Variants in SDK1 observed in about 807,000 individuals in gnomAD.
The protein encoded by SDK1 is protein sidekick-1.
In SDK1, 157 loss-of-function variants were observed where a neutral mutation model predicts 245.5. The ratio of observed to expected loss-of-function variants is 0.64; its 90% CI spans 0.56 to 0.73. The LOEUF is 0.73. Ranked by LOEUF, SDK1 falls within the 30% of genes least tolerant of loss-of-function variation. SDK1 has a pLI of 0.00. For synonymous variants in SDK1, 1,647 were observed against 1,278.5 expected (o/e 1.29, Z -6.15); for missense variants, 3,583 against 3,002.3 (o/e 1.19, Z -4.52).
intron 38 of SDK1, among the ~76,000 whole-genome samples, chr7:4,215,317 C>T (rs1489895684): frequency 6.6e-6 from 1 of 152,238 alleles, no homozygotes; most frequent in African/African-American, 2.4e-5. Flanking sequence ...GGGCCTATCT[C>T]TCCCTTCTCC....
chr7:3,531,240 C>A (rs1475594574), intron 1 of SDK1, among the ~76,000 whole-genome samples: 1 of 152,128 alleles, frequency 6.6e-6, no homozygotes, highest in African/African-American at 2.4e-5. Context: ...TCACATCGAG[C>A]ATATTTGGGG....
rs941344896 is a variant in SDK1, at chr7:3,344,974, A to G, written c.298+43090A>G. On this transcript the variant is annotated intron_variant, in intron 1 of 44. Coordinates refer to ENST00000404826, the MANE Select transcript of SDK1 (RefSeq NM_152744.4). ...CACACAGGGTAGTGCTTTGGGGACAACTTATGTAAAAATCTGAATAGTACC... is the reference window on the plus strand; with the variant it reads ...CACACAGGGTAGTGCTTTGGGGACAGCTTATGTAAAAATCTGAATAGTACC... 1.9e-4 allele frequency among the ~76,000 whole-genome samples: 29 copies of G among 152,234 alleles called. 1 individual carries two copies. The highest frequency in any genetic ancestry group is 4.4e-5 in the Non-Finnish European group (3 of 68,038).
intron 1 of SDK1, among the ~76,000 whole-genome samples, chr7:3,311,936 T>C (rs549663711): frequency 3.1e-4 from 47 of 152,012 alleles, no homozygotes; most frequent in African/African-American, 1.1e-3. Flanking sequence ...CATGGAGGAG[T>C]AGGAGGCATG....
chr7:4,139,642 TG>T (rs1779405674), intron 28 of SDK1, among the ~76,000 whole-genome samples: 3 of 71,996 alleles, frequency 4.2e-5, no homozygotes, highest in South Asian at 4.6e-4. Flanking sequence ...TATATATGTG[TG>T]TGTATATGTG....
At chr7:3,717,118 G>A (rs552806135) in intron 4 of SDK1, among the ~76,000 whole-genome samples, 3 of 152,264 alleles carry the variant, frequency 2.0e-5, no homozygotes, top group Non-Finnish European at 2.9e-5. Flanking sequence ...AGTGGAATGA[G>A]GATACAAGTA....
At chr7:4,108,962 C>G (rs1016224437) in intron 22 of SDK1, among the ~76,000 whole-genome samples, 27 of 152,186 alleles carry the variant, frequency 1.8e-4, no homozygotes, top group Non-Finnish European at 2.9e-4. Context: ...AGCTTTCCAT[C>G]AGTCATGTTT....
At chr7:3,724,397 A>T (rs1778947408) in intron 4 of SDK1, among the ~76,000 whole-genome samples, 2 of 152,180 alleles carry the variant, frequency 1.3e-5, no homozygotes, top group Non-Finnish European at 1.5e-5. Context: ...ACATAGTGAG[A>T]CCCTGTCTGT....
chr7:3,378,656 G>T (rs1410901123), intron 1 of SDK1, among the ~76,000 whole-genome samples: 1 of 152,004 alleles, frequency 6.6e-6, no homozygotes, highest in East Asian at 1.9e-4. Flanking sequence ...TCAAAGGCTT[G>T]GTGTTTCTTG....
intron 4 of SDK1, among the ~76,000 whole-genome samples, chr7:3,764,322 C>T (rs746407592): frequency 2.6e-5 from 4 of 152,062 alleles, no homozygotes; most frequent in African/African-American, 9.7e-5. Context: ...GGACAAAATA[C>T]CCCCCTTTTT....
At chr7:3,431,740 C>G (rs776765990) in intron 1 of SDK1, among the ~76,000 whole-genome samples, 1 of 152,004 alleles carries the variant, frequency 6.6e-6, no homozygotes, top group Admixed American at 6.6e-5. Context: ...AGTTTTGTGA[C>G]CTTGAGAAAG....
At chr7:3,765,113 A>C (rs1780217485) in intron 4 of SDK1, among the ~76,000 whole-genome samples, 1 of 152,170 alleles carries the variant, frequency 6.6e-6, no homozygotes, top group Admixed American at 6.5e-5. Context: ...TACTGAGAGC[A>C]AAAAATTTGA....
chr7:3,571,555 T>G (rs2128629686), intron 1 of SDK1, among the ~76,000 whole-genome samples: 1 of 152,174 alleles, frequency 6.6e-6, no homozygotes, highest in African/African-American at 2.4e-5. Flanking sequence ...TCTTCCTGCC[T>G]TAGCCTCCCA....
At chr7:3,522,774 C>G (rs1782984949) in intron 1 of SDK1, among the ~76,000 whole-genome samples, 1 of 152,112 alleles carries the variant, frequency 6.6e-6, no homozygotes, top group South Asian at 2.1e-4. Flanking sequence ...TTCACAGAAC[C>G]TTTTGAAAAA....
Position 3,909,719 on chromosome 7 carries a change from A to G in SDK1, c.848-41204A>G, listed in dbSNP as rs150251821. Among the ~76,000 whole-genome samples the G allele has an allele frequency of 2.6e-5, 4 of 152,354 alleles. No individual in the cohort carries two copies. The East Asian group carries it at 5.8e-4, about 22-fold the overall frequency. ...AAGTAGGAATATTTTTTAATTTACT[A>G]CAAAGAAGCTCAGGGATTAAAGAAC... On this transcript the variant is annotated intron_variant, in intron 5 of 44. Coordinates refer to ENST00000404826, the MANE Select transcript of SDK1 (RefSeq NM_152744.4).
In SDK1 at chr7:3,995,415, G is replaced by A. The variant is rs112877087; in HGVS notation, c.2131+8093G>A. ...CGCTGTCCCCATCCCCTCCCTTGGG[G>A]GCGCTGTCCTTATCTCTTCCTCTAC... On this transcript the variant is annotated intron_variant, in intron 14 of 44. Transcript: ENST00000404826. Among the ~76,000 whole-genome samples the A allele has an allele frequency of 6.6e-5, 10 of 151,688 alleles. 1 individual carries two copies. Among genetic ancestry groups the A allele is most frequent in the South Asian group, 4.2e-4 (2 of 4,796 alleles).
At chr7:3,309,408 A>C (rs1209549537) in intron 1 of SDK1, among the ~76,000 whole-genome samples, 1 of 149,516 alleles carries the variant, frequency 6.7e-6, no homozygotes, top group African/African-American at 2.5e-5. Flanking sequence ...ACCACTTTTT[A>C]GTATGCTTAG....
chr7:3,600,127 A>T (rs985506528), intron 1 of SDK1, among the ~76,000 whole-genome samples: 29 of 152,312 alleles, frequency 1.9e-4, no homozygotes, highest in African/African-American at 6.7e-4. Context: ...AATTTTCAGC[A>T]TACAGGTCAT....
intron 1 of SDK1, among the ~76,000 whole-genome samples, chr7:3,510,123 T>C (rs1384217885): frequency 6.6e-6 from 1 of 152,198 alleles, no homozygotes; most frequent in East Asian, 1.9e-4. Flanking sequence ...TTATCAAAAG[T>C]AGGTCTGACA....
intron 4 of SDK1, among the ~76,000 whole-genome samples, chr7:3,738,390 A>G (rs1324416461): frequency 6.6e-6 from 1 of 152,050 alleles, no homozygotes; most frequent in Non-Finnish European, 1.5e-5. Flanking sequence ...TTTCTAATCT[A>G]TTACATTGGT....
Sources: gnomAD v4.1 joint callset for allele counts (sites outside exome capture counted in the v4.1 genomes callset) on GRCh38, gnomAD v4.1.1 for gene constraint, MANE v1.5 for transcripts, NCBI Gene and HGNC (gene_info 2026-07-23, HGNC 2026-07-21) for gene names.